CAB39L: variants seen among roughly 807,000 people sequenced by gnomAD.
The protein encoded by CAB39L is calcium-binding protein 39-like.
In CAB39L, 23 loss-of-function variants were observed where a neutral mutation model predicts 39.1. The observed-to-expected ratio is 0.59, with a 90% CI of 0.42 to 0.83. The LOEUF (loss-of-function observed/expected upper bound fraction) is 0.83. Ranked by LOEUF, CAB39L falls within the 40% of genes least tolerant of loss-of-function variation. The probability of loss-of-function intolerance (pLI) is 0.00; values close to 1 mark genes in which losing one functional copy is unlikely to be tolerated. For missense variants in CAB39L, 366 were observed against 391.9 expected (o/e 0.93, Z 0.56); for synonymous variants, 126 against 137.2 (o/e 0.92, Z 0.57).
chr13:49,359,247 G>A (rs1955566121), intron 6 of CAB39L, among the ~76,000 whole-genome samples: 1 of 152,094 alleles, frequency 6.6e-6, no homozygotes. Flanking sequence ...TCAGTTTTAT[G>A]GCTTCCCTAT....
At chr13:49,339,325 T>A (rs1476111290) in intron 9 of CAB39L, among the ~76,000 whole-genome samples, 1 of 152,028 alleles carries the variant, frequency 6.6e-6, no homozygotes, top group Non-Finnish European at 1.5e-5. Context: ...GAGATGGGGT[T>A]TTGCCATGTT....
At chr13:49,344,019 A>G (rs1326608282) in intron 8 of CAB39L, among the ~76,000 whole-genome samples, 160 bp downstream of exon 8, 3 of 152,198 alleles carry the variant, frequency 2.0e-5, no homozygotes, top group African/African-American at 7.2e-5. Context: ...TCAATTTTCC[A>G]TAAAGTTTCC....
Position 49,344,265 on chromosome 13 carries a change from A to G in CAB39L, c.565-27T>C, listed in dbSNP as rs752662312. On this transcript the variant is annotated intron_variant, in intron 7 of 10. Coordinates refer to ENST00000409308, the MANE Select transcript of CAB39L (RefSeq NM_001079670.3). ...TAGAAAAAGAAAAACCAAGTGAAAC[A>G]AAACTGTTATAGCTATTAATATTAC... The G allele has an allele frequency of 3.7e-6, 5 of 1,352,648 alleles. No individual in the cohort carries two copies. In the South Asian group the frequency reaches 5.9e-5, roughly 16 times the overall value. The allele number at this position is 1,352,648 out of a possible 1,614,324, so 83.8% of individuals were successfully genotyped here.
rs1954823500 is a variant in CAB39L, at chr13:49,335,553, A to G, written c.691-3463T>C. On this transcript the variant is annotated intron_variant, in intron 9 of 10. Transcript: ENST00000409308. ...TATACCAAGTAAATGGGAAACACAC[A>G]TATTTTACTTCTTTAAATTTCTTAT... Among the ~76,000 whole-genome samples the G allele has an allele frequency of 2.0e-5, 3 of 152,222 alleles. No homozygotes were observed. In the South Asian group the frequency reaches 6.2e-4, roughly 32 times the overall value.
At chr13:49,379,539 A>C (rs1387968028) in intron 4 of CAB39L, among the ~76,000 whole-genome samples, 3 of 47,890 alleles carry the variant, frequency 6.3e-5, no homozygotes, top group African/African-American at 1.5e-4. Context: ...ATCTCAAGTA[A>C]TCAGGGACAC....
At chr13:49,390,385 A>G (rs947707939) in intron 3 of CAB39L, among the ~76,000 whole-genome samples, 3 of 152,156 alleles carry the variant, frequency 2.0e-5, no homozygotes, top group Non-Finnish European at 4.4e-5. Flanking sequence ...GTCCTGGGAT[A>G]ATAGGCGTGA....
intron 9 of CAB39L, among the ~76,000 whole-genome samples, chr13:49,338,959 G>T (rs1260861555): frequency 6.6e-6 from 1 of 151,850 alleles, no homozygotes; most frequent in Non-Finnish European, 1.5e-5. Context: ...TACAAATCTG[G>T]GAGATAAATG....
chr13:49,345,151 C>T (rs1428927124), intron 7 of CAB39L, among the ~76,000 whole-genome samples: 1 of 152,080 alleles, frequency 6.6e-6, no homozygotes, highest in Non-Finnish European at 1.5e-5. Flanking sequence ...AAAAACATAA[C>T]AAGAATTTTA....
intron 3 of CAB39L, chr13:49,401,472 G>A (rs1294650380): frequency 6.6e-6 from 1 of 152,162 alleles, no homozygotes; most frequent in Admixed American, 6.6e-5. Flanking sequence ...TCTGTCACAG[G>A]CAGTTCTGTT....
At chr13:49,441,562 ATC>A (rs1265637147) in intron 1 of CAB39L, among the ~76,000 whole-genome samples, 1 of 152,126 alleles carries the variant, frequency 6.6e-6, no homozygotes, top group African/African-American at 2.4e-5. Flanking sequence ...GCGAGATCCC[ATC>A]TCTAAAGAAA....
Position 49,352,413 on chromosome 13 carries a change from T to C in CAB39L, c.396-1501A>G, listed in dbSNP as rs1455197698. Reference sequence around the variant, plus strand: ...AGGAAGAATAGAACAAAGAAAGATATAGTTGTGATACACTGGGAAGTGAGC... The same window carrying C: ...AGGAAGAATAGAACAAAGAAAGATACAGTTGTGATACACTGGGAAGTGAGC... On this transcript the variant is annotated intron_variant, in intron 6 of 10. Coordinates refer to ENST00000409308, the MANE Select transcript of CAB39L (RefSeq NM_001079670.3). Among the ~76,000 whole-genome samples the C allele has an allele frequency of 4.0e-5, 6 of 151,778 alleles. No homozygotes were observed. The East Asian group carries it at 7.7e-4, about 19-fold the overall frequency.
rs1480133153 is a variant in CAB39L at position 49,309,063 on chromosome 13, T to C, written c.*1751A>G. On this transcript the variant is annotated 3_prime_UTR_variant, in exon 11 of 11. Transcript: ENST00000409308. ...ATGGTTATTTCACCTTCATTTTTTA[T>C]ACTTACACTCATCTCTTTTAATTAA... The C allele has an allele frequency of 6.6e-6, 1 of 152,254 alleles. No homozygotes were observed. Among genetic ancestry groups the C allele is most frequent in the Non-Finnish European group, 1.5e-5 (1 of 68,046 alleles). 9.4% of individuals were successfully genotyped at this position (152,254 alleles called of 1,614,324 possible). A position where few individuals can be genotyped will look rare whatever the true frequency, so the allele number is the denominator to read the frequency against.
intron 7 of CAB39L, among the ~76,000 whole-genome samples, chr13:49,344,608 G>A (rs1955093066): frequency 6.8e-6 from 1 of 147,934 alleles, no homozygotes; most frequent in African/African-American, 2.5e-5. Context: ...TGCAAGCTCT[G>A]CCTCCCGGGT....
chr13:49,336,334 A>AT (rs1954846748), intron 9 of CAB39L, among the ~76,000 whole-genome samples: 1 of 152,042 alleles, frequency 6.6e-6, no homozygotes, highest in South Asian at 2.1e-4. Flanking sequence ...ATTTATCTGC[A>AT]TTTTGTCAGG....
chr13:49,336,126 G>GAA (rs1954840260), intron 9 of CAB39L, among the ~76,000 whole-genome samples: 1 of 118,764 alleles, frequency 8.4e-6, no homozygotes. Flanking sequence ...TGTTTTTCTA[G>GAA]CAAAAAAAAA....
At chr13:49,384,061 T>C (rs1235751437) in intron 3 of CAB39L, among the ~76,000 whole-genome samples, 1 of 152,220 alleles carries the variant, frequency 6.6e-6, no homozygotes, top group Non-Finnish European at 1.5e-5. Context: ...GATTTCTCTA[T>C]AGCATGTGAT....
chr13:49,417,337 C>A (rs1437288154), intron 3 of CAB39L, among the ~76,000 whole-genome samples: 1 of 152,176 alleles, frequency 6.6e-6, no homozygotes, highest in Non-Finnish European at 1.5e-5. Flanking sequence ...CTATTTGTAT[C>A]ATCTGCCTAC....
rs182129015 is a variant in CAB39L, at chr13:49,330,337, C to T, written c.834+1610G>A. ...CCTGCCTCTTGTTAACTGGACTCTGCGTGTGGTGAGCAATCCAACTTGTGT... is the reference window on the plus strand; with the variant it reads ...CCTGCCTCTTGTTAACTGGACTCTGTGTGTGGTGAGCAATCCAACTTGTGT... On this transcript the variant is annotated intron_variant, in intron 10 of 10. Coordinates refer to ENST00000409308, the MANE Select transcript of CAB39L (RefSeq NM_001079670.3). Among the ~76,000 whole-genome samples the T allele has an allele frequency of 5.3e-4, 80 of 152,292 alleles. 1 individual carries two copies. Among genetic ancestry groups the T allele is most frequent in the Non-Finnish European group, 3.7e-4 (25 of 68,032 alleles).
chr13:49,324,298 C>G (rs1034486849), intron 10 of CAB39L, among the ~76,000 whole-genome samples: 10 of 151,968 alleles, frequency 6.6e-5, no homozygotes, highest in Non-Finnish European at 1.5e-4. Context: ...GCCTGGGTGA[C>G]AGAGCGAGAC....
Sources: allele counts gnomAD v4.1 joint callset (sites outside exome capture counted in the v4.1 genomes callset), GRCh38; gene constraint gnomAD v4.1.1; transcripts MANE v1.5; gene names NCBI Gene and HGNC (gene_info 2026-07-23, HGNC 2026-07-21).